ATXN8OS: variants seen among roughly 807,000 people sequenced by gnomAD.
The protein encoded by ATXN8OS is ATXN8 opposite strand (non-protein coding).
At chr13:70,115,153 G>A in exon 2 of ATXN8OS, 1 of 398,284 alleles carries the variant, frequency 2.5e-6, no homozygotes, top group Non-Finnish European at 4.4e-6. Flanking sequence ...CTGGAGGCTG[G>A]GAAGTTCAAG....
At chr13:70,168,015 C>T (rs537316347) in intron 4 of ATXN8OS, among the ~76,000 whole-genome samples, 1 of 152,182 alleles carries the variant, frequency 6.6e-6, no homozygotes, top group African/African-American at 2.4e-5. Context: ...CGTGAGCCAC[C>T]GCGCCCGGCC....
At chr13:70,150,789 C>T (rs557146409) in intron 4 of ATXN8OS, among the ~76,000 whole-genome samples, 1 of 152,188 alleles carries the variant, frequency 6.6e-6, no homozygotes, top group Non-Finnish European at 1.5e-5. Flanking sequence ...CACTACATTG[C>T]ACACTATTCA....
intron 4 of ATXN8OS, among the ~76,000 whole-genome samples, chr13:70,151,781 G>GGA (rs1888870948): frequency 6.6e-6 from 1 of 152,050 alleles, no homozygotes; most frequent in African/African-American, 2.4e-5. Context: ...GAAGTCATCC[G>GGA]TAATAACTCC....
rs557175789 is a variant in ATXN8OS, at chr13:70,138,105, T to G, written n.499+8221T>G. ...TTCCACCAAATCCCTCCTCCAACAT[T>G]GGGGCTTACAATTCAACATGAGATT... On this transcript the variant is annotated intron_variant and non_coding_transcript_variant, in intron 3 of 4. Coordinates refer to ENST00000678624, the Ensembl canonical transcript of ATXN8OS. 1.5e-3 allele frequency among the ~76,000 whole-genome samples: 231 copies of G among 152,308 alleles called. 1 individual carries two copies. The highest frequency in any genetic ancestry group is 5.3e-3 in the African/African-American group (219 of 41,578).
intron 3 of ATXN8OS, among the ~76,000 whole-genome samples, chr13:70,140,598 T>G (rs1386870289): frequency 6.6e-6 from 1 of 151,648 alleles, no homozygotes; most frequent in African/African-American, 2.4e-5. Context: ...GGTTCATAGC[T>G]ATGATAACAC....
chr13:70,168,301 G>T (rs946463007), intron 4 of ATXN8OS, among the ~76,000 whole-genome samples: 11 of 152,002 alleles, frequency 7.2e-5, no homozygotes, highest in African/African-American at 2.7e-4. Flanking sequence ...AATATGTAAT[G>T]ATCAAGTCAG....
At chr13:70,164,090 TATTATC>T in intron 4 of ATXN8OS, among the ~76,000 whole-genome samples, 1 of 143,994 alleles carries the variant, frequency 6.9e-6, no homozygotes, top group African/African-American at 2.6e-5. Flanking sequence ...TTATTATTAT[TATTATC>T]CTGTTTCCAA....
chr13:70,156,145 G>T (rs1888933405), intron 4 of ATXN8OS, among the ~76,000 whole-genome samples: 1 of 148,198 alleles, frequency 6.7e-6, no homozygotes, highest in Non-Finnish European at 1.5e-5. Flanking sequence ...CAAAAAAAAT[G>T]ATTTTTTTCA....
At chr13:70,131,729 C>T (rs1430936210) in intron 3 of ATXN8OS, among the ~76,000 whole-genome samples, 1 of 152,076 alleles carries the variant, frequency 6.6e-6, no homozygotes, top group African/African-American at 2.4e-5. Flanking sequence ...TCTGTCTTTC[C>T]TTCATAACAC....
intron 1 of ATXN8OS, among the ~76,000 whole-genome samples, chr13:70,113,794 C>A (rs1331684624): frequency 6.6e-6 from 1 of 152,100 alleles, no homozygotes; most frequent in Non-Finnish European, 1.5e-5. Flanking sequence ...TTTATATTTT[C>A]ATTCACCTGC....
At chr13:70,145,961 C>G (rs1888779657) in intron 3 of ATXN8OS, among the ~76,000 whole-genome samples, 1 of 146,558 alleles carries the variant, frequency 6.8e-6, no homozygotes, top group Non-Finnish European at 1.5e-5. Flanking sequence ...AAACTACCAT[C>G]AGAGTGAACA....
chr13:70,151,258 G>A (rs1279353848), intron 4 of ATXN8OS, among the ~76,000 whole-genome samples: 1 of 152,020 alleles, frequency 6.6e-6, no homozygotes, highest in Non-Finnish European at 1.5e-5. Flanking sequence ...TATTTATCTT[G>A]TAGAACTGAA....
chr13:70,168,802 G>A (rs1209287159), intron 4 of ATXN8OS, among the ~76,000 whole-genome samples: 2 of 152,056 alleles, frequency 1.3e-5, no homozygotes, highest in African/African-American at 4.8e-5. Context: ...TGGCACCATA[G>A]TGTTAAGGTC....
At chr13:70,168,621 G>A (rs867682590) in intron 4 of ATXN8OS, among the ~76,000 whole-genome samples, 1 of 148,218 alleles carries the variant, frequency 6.7e-6, no homozygotes, top group African/African-American at 2.5e-5. Context: ...GCTCCCAATA[G>A]GAGAGAGAAC....
chr13:70,117,182 G>T lies in ATXN8OS; in HGVS notation n.398+1884G>T, dbSNP rs1412868959. Among the ~76,000 whole-genome samples, 4 of 152,110 alleles carry T rather than the reference G, an allele frequency of 2.6e-5. No homozygotes were observed. The East Asian group carries it at 5.8e-4, about 22-fold the overall frequency. ...ACACTAGAAAGTTGCTAAGACAGCA[G>T]ATTTGGATGCTCTCATCTCTCCCTG... On this transcript the variant is annotated intron_variant and non_coding_transcript_variant, in intron 2 of 4. Transcript: ENST00000678624.
At chr13:70,118,532 C>A (rs1299597385) in intron 2 of ATXN8OS, among the ~76,000 whole-genome samples, 1 of 151,820 alleles carries the variant, frequency 6.6e-6, no homozygotes, top group African/African-American at 2.4e-5. Flanking sequence ...GCCATATATA[C>A]ATATATGCAT....
At chr13:70,119,434 T>C (rs1352562826) in intron 2 of ATXN8OS, among the ~76,000 whole-genome samples, 1 of 152,170 alleles carries the variant, frequency 6.6e-6, no homozygotes, top group Non-Finnish European at 1.5e-5. Context: ...CTGACCCAGT[T>C]CTGAGCCCCA....
chr13:70,168,248 T>C (rs910996599), intron 4 of ATXN8OS, among the ~76,000 whole-genome samples: 2 of 152,128 alleles, frequency 1.3e-5, no homozygotes, highest in Non-Finnish European at 2.9e-5. Context: ...TTAATGTTTC[T>C]ACATTTTTAT....
chr13:70,149,923 C>G (rs7323128), intron 4 of ATXN8OS, among the ~76,000 whole-genome samples: 23,433 of 151,874 alleles, frequency 0.15, 2,196 homozygotes, highest in East Asian at 0.47. Context: ...AAAGAGGAAA[C>G]AATGAAGGCA....
Sources: allele counts gnomAD v4.1 joint callset (sites outside exome capture counted in the v4.1 genomes callset), GRCh38; gene constraint gnomAD v4.1.1; transcripts MANE v1.5; gene names NCBI Gene and HGNC (gene_info 2026-07-23, HGNC 2026-07-21).